Variants in AKAP9 observed in about 807,000 individuals in gnomAD.
The protein encoded by AKAP9 is A-kinase anchoring protein 9.
In AKAP9, 311 loss-of-function variants were observed where a neutral mutation model predicts 488.5. That is an observed-to-expected ratio of 0.64 (90% CI 0.58 to 0.70). AKAP9 has a LOEUF of 0.70. Among genes scored for constraint, AKAP9 ranks in the 30% least tolerant of loss-of-function variants. The pLI is 0.00. For synonymous variants in AKAP9, 1,462 were observed against 1,483.5 expected, an observed-to-expected ratio of 0.99 and a Z score of 0.33; for missense variants, 4,215 against 4,374.5, an observed-to-expected ratio of 0.96 and a Z score of 1.03.
chr7:92,053,004 A>G lies in AKAP9; in HGVS notation c.5601+46A>G, dbSNP rs1382498525. 7 of 1,445,914 alleles carry G rather than the reference A, an allele frequency of 4.8e-6. No individual in the cohort carries two copies. In the East Asian group the frequency reaches 1.4e-4, roughly 29 times the overall value. 89.6% of individuals were successfully genotyped at this position (1,445,914 alleles called of 1,614,324 possible). ...ATATGTACTGAGTTTGAAGTACAAT[A>G]TACTATCCCACTCTCTCGACTGAGC... On this transcript the variant is annotated intron_variant, in intron 22 of 49. Transcript: ENST00000356239.
chr7:91,943,488 G>A (rs1300745648), intron 1 of AKAP9, among the ~76,000 whole-genome samples: 1 of 152,220 alleles, frequency 6.6e-6, no homozygotes, highest in Non-Finnish European at 1.5e-5. Context: ...GGTGGTGACA[G>A]TGTCTGCTCT....
At chr7:92,077,113 T>TTTG (rs1812734323) in intron 29 of AKAP9, 106 bp downstream of exon 29, 2 of 400,420 alleles carry the variant, frequency 5.0e-6, no homozygotes, top group South Asian at 1.1e-4. Flanking sequence ...TTTTTTTTTT[T>TTTG]GAGACTTAGT....
chr7:92,102,488 T>TACTACTACTACC (rs1263143023), intron 45 of AKAP9, 106 bp from the exon 46 acceptor site: 223 of 540,876 alleles, frequency 4.1e-4, no homozygotes, highest in East Asian at 2.4e-3. Flanking sequence ...CTACTACTAC[T>TACTACTACTACC]ACCACCACCA....
intron 5 of AKAP9, 79 bp downstream of exon 5, chr7:91,993,134 A>G (rs75169780): frequency 2.7e-6 from 4 of 1,494,034 alleles, no homozygotes; most frequent in South Asian, 2.5e-5. Context: ...TAGTCTTTAA[A>G]GATGGGGTTT....
intron 10 of AKAP9, among the ~76,000 whole-genome samples, chr7:92,015,300 G>A (rs1162358636): frequency 6.6e-6 from 1 of 151,966 alleles, no homozygotes; most frequent in East Asian, 1.9e-4. Flanking sequence ...CCGGAACAAC[G>A]CGTCAAATAT....
At chr7:92,083,750 T>G (rs946146497) in intron 33 of AKAP9, 95 bp downstream of exon 33, 4 of 1,341,190 alleles carry the variant, frequency 3.0e-6, no homozygotes, top group Non-Finnish European at 4.1e-6. Context: ...CAAACCAAAA[T>G]GCAACTCATT....
chr7:92,020,585 T>G (rs1802185329), intron 12 of AKAP9, among the ~76,000 whole-genome samples: 1 of 152,216 alleles, frequency 6.6e-6, no homozygotes, highest in South Asian at 2.1e-4. Flanking sequence ...TTGTATCACA[T>G]TACTTTTCAT....
chr7:92,046,546 ATAGT>A (rs1368312023), intron 21 of AKAP9, among the ~76,000 whole-genome samples: 1 of 152,244 alleles, frequency 6.6e-6, no homozygotes, highest in Non-Finnish European at 1.5e-5. Flanking sequence ...GAGTTCAAAG[ATAGT>A]TTTAAAAATT....
intron 26 of AKAP9, among the ~76,000 whole-genome samples, chr7:92,069,547 G>A (rs1811343084): frequency 1.3e-5 from 2 of 152,160 alleles, no homozygotes; most frequent in Admixed American, 6.5e-5. Context: ...TTGAAATGAA[G>A]ATATGTTTTA....
chr7:91,958,300 A>C (rs755708600), intron 1 of AKAP9, among the ~76,000 whole-genome samples: 4 of 152,228 alleles, frequency 2.6e-5, no homozygotes, highest in Non-Finnish European at 5.9e-5. Context: ...ACTGGCATGC[A>C]TTTTATGCTG....
chr7:91,953,337 A>C (rs535593328), intron 1 of AKAP9, among the ~76,000 whole-genome samples: 2 of 152,300 alleles, frequency 1.3e-5, no homozygotes, highest in African/African-American at 2.4e-5. Flanking sequence ...TCTTTATTAT[A>C]CATCTAAATG....
chr7:92,031,837 C>G (rs1220784714), intron 16 of AKAP9, among the ~76,000 whole-genome samples: 13 of 152,088 alleles, frequency 8.5e-5, no homozygotes, highest in Non-Finnish European at 4.4e-5. Flanking sequence ...TTTCAGAATG[C>G]CAAAACAAGT....
In AKAP9 at chr7:92,061,352, A is replaced by G. The variant is rs753606995; in HGVS notation, c.5694A>G (p.Glu1898=). The change falls in exon 23 of 50, where the codon GAA becomes GAG. Residue 1898 remains glutamate, a synonymous_variant. Coordinates refer to ENST00000356239, the MANE Select transcript of AKAP9 (RefSeq NM_005751.5). ...EATESLKCQE[E]LRERLHEESR... is the part of the protein sequence containing the mutation. ...CAGAGTCCCTTAAGTGCCAAGAGGAACTTCGAGAGCGCCTTCATGAGGAGT... is the reference window on the plus strand; with the variant it reads ...CAGAGTCCCTTAAGTGCCAAGAGGAGCTTCGAGAGCGCCTTCATGAGGAGT... The G allele has an allele frequency of 1.2e-6, 2 of 1,613,134 alleles. No homozygotes were observed. The highest frequency in any genetic ancestry group is 1.7e-6 in the Non-Finnish European group (2 of 1,179,478).
rs1244903256 is a variant in AKAP9 at position 92,062,316 on chromosome 7, G to A, written c.5807G>A (p.Arg1936Lys). Residue 1936 changes from arginine to lysine, a missense_variant, in exon 24 of 50, where the codon AGG becomes AAG. By Grantham distance (26) the Arg-to-Lys change is conservative. Around this residue, in one of 5 missense-constraint regions of AKAP9, gnomAD observed 2,361 missense variants for 2,430.0 expected, o/e 0.97. Transcript: ENST00000356239. The part of the protein sequence containing the change: ...GYADEKTLFE[R>K]QIQEKTDIID... ...GCAGATGAAAAAACTCTTTTTGAAA[G>A]GCAAATTCAGGAAAAAACTGATATA... The A allele has an allele frequency of 6.2e-7, 1 of 1,613,576 alleles. No homozygotes were observed. Among genetic ancestry groups the A allele is most frequent in the African/African-American group, 1.3e-5 (1 of 74,856 alleles).
chr7:92,028,007 C>T (rs1252257278), intron 14 of AKAP9, among the ~76,000 whole-genome samples: 266 of 147,406 alleles, frequency 1.8e-3, no homozygotes, highest in African/African-American at 6.6e-3. Context: ...ACCCCGTGCT[C>T]TCTGAAACAT....
intron 1 of AKAP9, among the ~76,000 whole-genome samples, chr7:91,971,967 T>TGCTCAACTGGA (rs2130555528): frequency 1.8e-5 from 1 of 55,576 alleles, no homozygotes; most frequent in Non-Finnish European, 3.9e-5. Flanking sequence ...ATAGAGTCTT[T>TGCTCAACTGGA]TATGTTTTGC....
At chr7:92,109,800 A>C (rs1272629881) in intron 49 of AKAP9, among the ~76,000 whole-genome samples, 1 of 151,912 alleles carries the variant, frequency 6.6e-6, no homozygotes, top group African/African-American at 2.4e-5. Flanking sequence ...AAAATACAAA[A>C]ATTTGCTGGA....
At chr7:92,030,330 G>T (rs1804006154) in intron 15 of AKAP9, among the ~76,000 whole-genome samples, 1 of 152,126 alleles carries the variant, frequency 6.6e-6, no homozygotes, top group South Asian at 2.1e-4. Flanking sequence ...ATGGGAAGTT[G>T]GACAAGGCCA....
chr7:92,028,728 T>A (rs1803737746), intron 14 of AKAP9, among the ~76,000 whole-genome samples: 1 of 152,224 alleles, frequency 6.6e-6, no homozygotes, highest in Admixed American at 6.5e-5. Context: ...GATACTATTA[T>A]GAGAATAAAA....
Sources: allele counts gnomAD v4.1 joint callset (sites outside exome capture counted in the v4.1 genomes callset), GRCh38; gene constraint gnomAD v4.1.1; regional missense constraint gnomAD v4.1.1; transcripts MANE v1.5; gene names NCBI Gene and HGNC (gene_info 2026-07-23, HGNC 2026-07-21).